The following CEP85 variants were observed in gnomAD, a reference collection of about 807,000 sequenced individuals.
The protein encoded by CEP85 is centrosomal protein 85.
CEP85 carries 58 observed loss-of-function variants against 93.7 expected under a neutral mutation model. That is an observed-to-expected ratio of 0.62 (90% confidence interval 0.50 to 0.77). CEP85 has a LOEUF of 0.77. CEP85 is among the 30% of genes least tolerant of loss of function. The probability of loss-of-function intolerance (pLI) is 0.00; values close to 1 mark genes in which losing one functional copy is unlikely to be tolerated. For synonymous variants in CEP85, 314 were observed against 338.6 expected (o/e 0.93, Z 0.80); for missense variants, 868 against 922.0 (o/e 0.94, Z 0.76).
chr1:26,275,027 C>T lies in CEP85; in HGVS notation c.1858C>T (p.Arg620Ter), dbSNP rs761807005. 14 of 1,586,466 alleles carry T rather than the reference C, an allele frequency of 8.8e-6. No individual in the cohort carries two copies. The highest frequency in any genetic ancestry group is 1.0e-5 in the Non-Finnish European group (12 of 1,166,484). Residue 620 changes from arginine (R) to a stop codon, truncating the protein, a stop_gained, in exon 12 of 14, where the codon CGA becomes TGA. Transcript: ENST00000451429. LOFTEE classifies it high-confidence loss of function. ...TSQALREEAQRRDSALQQLRT... is the reference protein window; with the variant it reads ...TSQALREEAQ ...CCAGGCCCTGAGAGAGGAGGCCCAG[C>T]GAAGGGATTCAGCCCTGCAGCAGCT... is the stretch of plus-strand genomic sequence containing the variant.
chr1:26,245,551 A>G (rs1308355508), intron 3 of CEP85, among the ~76,000 whole-genome samples: 2 of 152,076 alleles, frequency 1.3e-5, no homozygotes, highest in Non-Finnish European at 2.9e-5. Context: ...TTGTTTTCAC[A>G]CTTAAGTATT....
In CEP85 at chr1:26,255,424, T is replaced by C; in HGVS notation, c.462T>C (p.Ala154=). Residue 154 remains alanine, a synonymous_variant, in exon 4 of 14, where the codon GCT becomes GCC. Coordinates refer to ENST00000451429, the MANE Select transcript of CEP85 (RefSeq NM_001319944.2). ...GAGATCTCATGTATTTCTCTGGTGC[T>C]ACTGGAGAAAATGGAATTGAGCAGT... ...LSRDLMYFSG[A]TGENGIEQSW... The C allele has an allele frequency of 6.2e-7, 1 of 1,614,112 alleles. No individual in the cohort carries two copies. The highest frequency in any genetic ancestry group is 8.5e-7 in the Non-Finnish European group (1 of 1,180,008).
intron 9 of CEP85, 30 bp from the exon 10 acceptor site, chr1:26,270,984 A>G (rs748879751): frequency 7.2e-7 from 1 of 1,389,564 alleles, no homozygotes. Flanking sequence ...GTCTAACTTC[A>G]GAGTTCTTGA....
At chr1:26,238,390 G>A (rs751074377) in intron 1 of CEP85, among the ~76,000 whole-genome samples, 27 of 151,622 alleles carry the variant, frequency 1.8e-4, no homozygotes, top group Admixed American at 2.6e-4. Context: ...TAGTAGAGAC[G>A]GGGTTTCACC....
In CEP85 at chr1:26,277,484, G is replaced by C. The variant is rs2090070579; in HGVS notation, c.*191G>C. On this transcript the variant is annotated 3_prime_UTR_variant, in exon 14 of 14. Transcript: ENST00000451429. ...CACACTGGCATGTTGGATTACGTTT[G>C]TCCTGTTAATTCACTCTAGACGGTG... The C allele has an allele frequency of 1.8e-6, 1 of 558,718 alleles. No individual in the cohort carries two copies. Among genetic ancestry groups the C allele is most frequent in the Non-Finnish European group, 3.3e-6 (1 of 307,424 alleles). The allele number at this position is 558,718 out of a possible 1,614,324, so 34.6% of individuals were successfully genotyped here.
At chr1:26,258,687 C>T (rs2089759830) in intron 6 of CEP85, among the ~76,000 whole-genome samples, 1 of 152,090 alleles carries the variant, frequency 6.6e-6, no homozygotes, top group Non-Finnish European at 1.5e-5. Flanking sequence ...ACCTCCGCCT[C>T]CCGGGTTCAA....
At chr1:26,276,795 A>C (rs746050916) in intron 13 of CEP85, 35 bp downstream of exon 13, 183 of 1,536,602 alleles carry the variant, frequency 1.2e-4, no homozygotes, top group Non-Finnish European at 1.6e-4. Flanking sequence ...CCCAGGAAGG[A>C]GGGTCCTTCT....
At chr1:26,267,881 C>T (rs1195270269) in intron 7 of CEP85, among the ~76,000 whole-genome samples, 5 of 152,136 alleles carry the variant, frequency 3.3e-5, no homozygotes, top group Admixed American at 6.5e-5. Flanking sequence ...CATAAATTTA[C>T]TCATGATGGG....
chr1:26,253,685 C>T (rs944689974), intron 3 of CEP85, among the ~76,000 whole-genome samples: 17 of 151,776 alleles, frequency 1.1e-4, no homozygotes, highest in Non-Finnish European at 5.9e-5. Flanking sequence ...CCACTGCGCC[C>T]GGCCTCATCT....
intron 12 of CEP85, among the ~76,000 whole-genome samples, chr1:26,276,204 G>T (rs1377350058): frequency 1.3e-5 from 2 of 152,210 alleles, no homozygotes; most frequent in East Asian, 3.8e-4. Flanking sequence ...AACAGAGTTG[G>T]CTGAGGGACT....
chr1:26,268,043 C>A (rs551077496), intron 7 of CEP85, among the ~76,000 whole-genome samples: 1 of 152,332 alleles, frequency 6.6e-6, no homozygotes, highest in Admixed American at 6.5e-5. Context: ...TTTCTCCGTC[C>A]TTGATTTGAA....
rs1480784429 is a variant in CEP85 at position 26,269,457 on chromosome 1, C to T, written c.1495-3C>T. ...GACCTAAACATGGGATCCTGTCTCT[C>T]AGCTTAAGGATTCTGAGTTGAAGAG... On this transcript the variant is annotated splice_polypyrimidine_tract_variant and splice_region_variant and intron_variant, in intron 8 of 13. Transcript: ENST00000451429. 6.2e-7 allele frequency: 1 copy of T among 1,613,114 alleles called. No homozygotes were observed. Among genetic ancestry groups the T allele is most frequent in the Middle Eastern group, 1.7e-4 (1 of 6,054 alleles).
intron 1 of CEP85, among the ~76,000 whole-genome samples, chr1:26,236,735 A>C (rs1240159555): frequency 6.6e-6 from 1 of 152,210 alleles, no homozygotes; most frequent in Non-Finnish European, 1.5e-5. Context: ...GGTGATCCTG[A>C]TAACGTGTGC....
At position 26,255,260 on chromosome 1, in the gene CEP85, G is replaced by A; in HGVS notation, c.298G>A (p.Gly100Arg). Residue 100 changes from glycine (G) to arginine (R), a missense_variant, in exon 4 of 14, where the codon GGG becomes AGG. Coordinates refer to ENST00000451429, the MANE Select transcript of CEP85 (RefSeq NM_001319944.2). ...PTAHVMPSTL[G>R]TSPAKPNSTP... ...AGCCCATGTGATGCCTTCTACTTTA[G>A]GGACCTCTCCTGCCAAGCCAAATTC... The A allele has an allele frequency of 6.2e-7, 1 of 1,614,080 alleles. No homozygotes were observed. The highest frequency in any genetic ancestry group is 8.5e-7 in the Non-Finnish European group (1 of 1,180,024).
chr1:26,236,411 CTCTG>C (rs2089327559), intron 1 of CEP85, among the ~76,000 whole-genome samples: 1 of 149,174 alleles, frequency 6.7e-6, no homozygotes, highest in African/African-American at 2.5e-5. Context: ...TTTTTTTCCC[CTCTG>C]TCTGCCTCCA....
chr1:26,242,022 A>G (rs1002342642), intron 2 of CEP85, among the ~76,000 whole-genome samples: 15 of 150,370 alleles, frequency 1.0e-4, no homozygotes, highest in African/African-American at 3.7e-4. Flanking sequence ...CCCGCCTCCC[A>G]AAGTGCTAGG....
At chr1:26,251,402 T>TCA (rs2089613281) in intron 3 of CEP85, among the ~76,000 whole-genome samples, 1 of 151,744 alleles carries the variant, frequency 6.6e-6, no homozygotes, top group African/African-American at 2.4e-5. Flanking sequence ...CAGGCATGCG[T>TCA]CACCACGCCC....
chr1:26,235,587 T>TTTTTTTTTG (rs61482955), intron 1 of CEP85, among the ~76,000 whole-genome samples: 2 of 149,298 alleles, frequency 1.3e-5, no homozygotes, highest in African/African-American at 5.0e-5. Flanking sequence ...TTTTTTTTTT[T>TTTTTTTTTG]GTGAGACGGA....
chr1:26,244,918 A>G (rs188237407), intron 3 of CEP85, among the ~76,000 whole-genome samples: 82 of 152,308 alleles, frequency 5.4e-4, no homozygotes, highest in Admixed American at 1.5e-3. Flanking sequence ...TTTCCTATAA[A>G]TCTTCAATAA....
Sources: allele counts gnomAD v4.1 joint callset (sites outside exome capture counted in the v4.1 genomes callset), GRCh38; gene constraint gnomAD v4.1.1; transcripts MANE v1.5; gene names NCBI Gene and HGNC (gene_info 2026-07-23, HGNC 2026-07-21).